The following RORA variants were observed in gnomAD, a reference collection of about 807,000 sequenced individuals.
RORA encodes RAR related orphan receptor A.
In RORA, 7 loss-of-function variants were observed where a neutral mutation model predicts 69.5. The observed-to-expected ratio is 0.10, with a 90% CI of 0.06 to 0.19. The LOEUF (loss-of-function observed/expected upper bound fraction) is 0.19. RORA is among the 10% of genes least tolerant of loss of function. RORA has a pLI of 1.00. For synonymous variants in RORA, 261 were observed against 240.8 expected (o/e 1.08, Z -0.78); for missense variants, 457 against 663.0 (o/e 0.69, Z 3.41).
chr15:60,781,460 G>T (rs2072253793), intron 1 of RORA, among the ~76,000 whole-genome samples: 1 of 152,190 alleles, frequency 6.6e-6, no homozygotes, highest in South Asian at 2.1e-4. Context: ...CTGCTTACCA[G>T]TGTTTCAGCA....
intron 1 of RORA, among the ~76,000 whole-genome samples, chr15:61,190,260 AACCTG>A (rs1382856209): frequency 1.3e-5 from 2 of 152,238 alleles, no homozygotes; most frequent in East Asian, 3.9e-4. Flanking sequence ...ACAAAAATAA[AACCTG>A]ACTTTACAAG....
chr15:60,960,125 C>A (rs1483701898), intron 1 of RORA, among the ~76,000 whole-genome samples: 2 of 152,192 alleles, frequency 1.3e-5, no homozygotes, highest in African/African-American at 4.8e-5. Context: ...TCCTGGTTTA[C>A]ACAGCCACCT....
At chr15:61,116,707 T>G (rs1389218975) in intron 1 of RORA, among the ~76,000 whole-genome samples, 1 of 152,238 alleles carries the variant, frequency 6.6e-6, no homozygotes, top group African/African-American at 2.4e-5. Flanking sequence ...AACTGGGTGC[T>G]GGGTGAGTTC....
intron 1 of RORA, among the ~76,000 whole-genome samples, chr15:60,775,296 G>A (rs1459019722): frequency 1.3e-5 from 2 of 151,990 alleles, no homozygotes; most frequent in African/African-American, 2.4e-5. Flanking sequence ...GACTGACTTC[G>A]TTAATAGAAT....
Position 60,678,786 on chromosome 15 carries a change from G to A in RORA, c.167-100C>T, listed in dbSNP as rs1025026816. On this transcript the variant is annotated intron_variant, in intron 1 of 10. Transcript: ENST00000335670. ...TGTGCTCAGGAAGGCGTTTAGTTCA[G>A]ATGGGGAAGTGGAAGCAAGACCAGT... 2.0e-5 allele frequency: 20 copies of A among 999,872 alleles called. No individual in the cohort carries two copies. The African/African-American group carries it at 2.4e-4, about 12-fold the overall frequency. The allele number at this position is 999,872 out of a possible 1,614,324, so 61.9% of individuals were successfully genotyped here. A position where few individuals can be genotyped will look rare whatever the true frequency, so the allele number is the denominator to read the frequency against.
At chr15:60,890,618 G>C (rs1235966072) in intron 1 of RORA, among the ~76,000 whole-genome samples, 2 of 152,332 alleles carry the variant, frequency 1.3e-5, no homozygotes, top group East Asian at 3.9e-4. Context: ...GTGTGGCCGA[G>C]GGCTGTTCTT....
rs201818956 is a variant in RORA, at chr15:60,505,672, C to A, written c.821-43G>T. The stretch of plus-strand genomic sequence containing the variant: ...GATCACAAACACGAAAAGCGAAGTT[C>A]TTTGAATAATTGGTGATTTAATATT... On this transcript the variant is annotated intron_variant, in intron 5 of 10. Transcript: ENST00000335670. 9.4e-6 allele frequency: 15 copies of A among 1,602,740 alleles called. No individual in the cohort carries two copies. In the African/African-American group the frequency reaches 2.0e-4, roughly 22 times the overall value.
chr15:61,125,500 G>A (rs1474318562), intron 1 of RORA, among the ~76,000 whole-genome samples: 2 of 152,310 alleles, frequency 1.3e-5, no homozygotes, highest in East Asian at 3.9e-4. Flanking sequence ...TGGAATTCAT[G>A]CTTATTTCAG....
chr15:61,069,064 A>T (rs1369682708), intron 1 of RORA, among the ~76,000 whole-genome samples: 1 of 152,170 alleles, frequency 6.6e-6, no homozygotes, highest in African/African-American at 2.4e-5. Flanking sequence ...ACTGTTTCAA[A>T]GGGATATACG....
At chr15:61,208,642 A>G (rs963424455) in intron 1 of RORA, among the ~76,000 whole-genome samples, 3 of 152,214 alleles carry the variant, frequency 2.0e-5, no homozygotes, top group Non-Finnish European at 2.9e-5. Context: ...GGATTATAGA[A>G]TATCAGAGCT....
At chr15:61,001,879 G>A (rs1414255857) in intron 1 of RORA, among the ~76,000 whole-genome samples, 1 of 152,234 alleles carries the variant, frequency 6.6e-6, no homozygotes, top group Non-Finnish European at 1.5e-5. Context: ...AGAACGACAA[G>A]AAAGGCACAG....
chr15:60,522,177 C>CAG (rs1193141895), intron 3 of RORA, among the ~76,000 whole-genome samples: 1 of 152,158 alleles, frequency 6.6e-6, no homozygotes, highest in Non-Finnish European at 1.5e-5. Context: ...AAAAAATTAA[C>CAG]TACTTTTTAA....
chr15:60,730,991 C>T (rs781391844), intron 1 of RORA, among the ~76,000 whole-genome samples: 1 of 151,990 alleles, frequency 6.6e-6, no homozygotes, highest in Non-Finnish European at 1.5e-5. Flanking sequence ...CGGAATATTT[C>T]ATCACTCAGG....
chr15:60,986,388 A>T (rs1026101741), intron 1 of RORA, among the ~76,000 whole-genome samples: 2 of 152,204 alleles, frequency 1.3e-5, no homozygotes, highest in Admixed American at 6.5e-5. Flanking sequence ...CTAATCCAAC[A>T]TCCTTACTTT....
intron 2 of RORA, among the ~76,000 whole-genome samples, chr15:60,633,291 T>A (rs974291329): frequency 4.6e-5 from 7 of 152,266 alleles, no homozygotes; most frequent in African/African-American, 1.7e-4. Flanking sequence ...CCAGTTCGAA[T>A]TCTGATGATC....
intron 1 of RORA, chr15:60,686,604 C>T (rs2070753113): frequency 6.6e-6 from 1 of 152,218 alleles, no homozygotes; most frequent in African/African-American, 2.4e-5. Flanking sequence ...GTTTTATCTT[C>T]TAAGTGAATA....
chr15:61,135,495 GAAT>G (rs2079229517), intron 1 of RORA, among the ~76,000 whole-genome samples: 1 of 141,114 alleles, frequency 7.1e-6, no homozygotes, highest in African/African-American at 2.6e-5. Context: ...CAAAGTGTTA[GAAT>G]AATATCTAAG....
intron 1 of RORA, among the ~76,000 whole-genome samples, chr15:61,048,578 G>A (rs369073176): frequency 2.1e-3 from 320 of 152,310 alleles, no homozygotes; most frequent in Non-Finnish European, 2.6e-3. Context: ...GCGTCATGGC[G>A]GAGAAGCCAG....
chr15:61,112,293 G>C (rs1410012400), intron 1 of RORA, among the ~76,000 whole-genome samples: 1 of 152,122 alleles, frequency 6.6e-6, no homozygotes. Context: ...CATGGACTGG[G>C]GGGCATGGGG....
Sources: gnomAD v4.1 joint callset for allele counts (sites outside exome capture counted in the v4.1 genomes callset) on GRCh38, gnomAD v4.1.1 for gene constraint, MANE v1.5 for transcripts, NCBI Gene and HGNC (gene_info 2026-07-23, HGNC 2026-07-21) for gene names.